The following REEP3 variants were observed in gnomAD, a reference collection of about 807,000 sequenced individuals.
The protein encoded by REEP3 is receptor expression-enhancing protein 3.
A neutral mutation model predicts 41.3 loss-of-function variants in REEP3; 20 were observed. That is an observed-to-expected ratio of 0.48 (90% CI 0.34 to 0.70). The LOEUF (loss-of-function observed/expected upper bound fraction) is 0.70. Ranked by LOEUF, REEP3 falls within the 30% of genes least tolerant of loss-of-function variation. The pLI, the probability that REEP3 is intolerant of heterozygous loss-of-function variation, is 0.01. For missense variants in REEP3, 271 were observed against 308.8 expected, an observed-to-expected ratio of 0.88 and a Z score of 0.92; for synonymous variants, 104 against 101.8, an observed-to-expected ratio of 1.02 and a Z score of -0.13.
chr10:63,609,261 G>A (rs1956257135), intron 5 of REEP3, among the ~76,000 whole-genome samples: 1 of 150,980 alleles, frequency 6.6e-6, no homozygotes, highest in Non-Finnish European at 1.5e-5. Flanking sequence ...GACCATCCTG[G>A]CTAACACAGT....
intron 2 of REEP3, among the ~76,000 whole-genome samples, chr10:63,582,290 A>C (rs535483883): frequency 6.6e-6 from 1 of 152,368 alleles, no homozygotes; most frequent in Admixed American, 6.5e-5. Flanking sequence ...GTTACATATC[A>C]AAACCACTGG....
chr10:63,619,846 T>C, intron 7 of REEP3, 46 bp downstream of exon 7: 2 of 1,531,148 alleles, frequency 1.3e-6, no homozygotes, highest in Non-Finnish European at 1.8e-6. Flanking sequence ...GTGAAGGATT[T>C]CCCTGCTGTG....
At chr10:63,564,007 A>G (rs1239703658) in intron 1 of REEP3, among the ~76,000 whole-genome samples, 1 of 152,216 alleles carries the variant, frequency 6.6e-6, no homozygotes, top group Admixed American at 6.5e-5. Context: ...AGCTGAGTGT[A>G]ATGTGCTATC....
intron 2 of REEP3, among the ~76,000 whole-genome samples, chr10:63,572,462 C>T (rs1955861875): frequency 6.6e-6 from 1 of 152,122 alleles, no homozygotes; most frequent in African/African-American, 2.4e-5. Flanking sequence ...CTAATGCTCT[C>T]CCTCTCCTTG....
intron 1 of REEP3, among the ~76,000 whole-genome samples, chr10:63,538,292 C>T (rs934611812): frequency 3.1e-4 from 47 of 152,152 alleles, no homozygotes; most frequent in Non-Finnish European, 4.4e-5. Context: ...TATTTCACAG[C>T]AATTCCCCAT....
intron 2 of REEP3, among the ~76,000 whole-genome samples, chr10:63,591,756 T>C (rs960352630): frequency 9.2e-5 from 14 of 152,268 alleles, no homozygotes; most frequent in Non-Finnish European, 1.6e-4. Context: ...GAAGCACAGC[T>C]ACTTTTGAAA....
intron 1 of REEP3, among the ~76,000 whole-genome samples, chr10:63,542,051 A>T (rs554817475): frequency 2.6e-5 from 4 of 151,608 alleles, no homozygotes; most frequent in African/African-American, 9.7e-5. Context: ...AGTTGGTATA[A>T]GTGACATCAC....
rs987850258 is a variant in REEP3, at chr10:63,619,798, G to C, written c.709G>C (p.Glu237Gln). The C allele has an allele frequency of 1.9e-6, 3 of 1,606,938 alleles. No homozygotes were observed. The highest frequency in any genetic ancestry group is 2.5e-6 in the Non-Finnish European group (3 of 1,176,600). ...KSVKTTKGRKEVRYGSLKYKV... is the reference protein window; with the variant it reads ...KSVKTTKGRKQVRYGSLKYKV... Reference sequence around the variant, plus strand: ...TGTGAAAACCACCAAAGGCCGCAAAGAGGTTGGTTAAGTGTAGAGCTGTTT... The same window carrying C: ...TGTGAAAACCACCAAAGGCCGCAAACAGGTTGGTTAAGTGTAGAGCTGTTT... The change falls in exon 7 of 8, where the codon GAG becomes CAG. Residue 237 changes from glutamate (E) to glutamine (Q), a missense_variant and splice_region_variant. Physicochemically the swap from Glu to Gln is conservative, Grantham distance 29. Coordinates refer to ENST00000373758, the MANE Select transcript of REEP3 (RefSeq NM_001001330.3).
rs1399227830 is a variant in REEP3 at position 63,610,312 on chromosome 10, A to G, written c.543A>G (p.Lys181=). The change falls in exon 6 of 8, where the codon AAA becomes AAG. Residue 181 remains lysine, a synonymous_variant. Coordinates refer to ENST00000373758, the MANE Select transcript of REEP3 (RefSeq NM_001001330.3). ...QPLPEAKKKS[K]PAPSESAGYG... ...TACCAGAAGCAAAAAAGAAAAGTAA[A>G]CCAGCCCCCAGTGAATCAGCAGGTG... is the stretch of plus-strand genomic sequence containing the variant. 2 of 1,557,268 alleles carry G rather than the reference A, an allele frequency of 1.3e-6. No individual in the cohort carries two copies. Among genetic ancestry groups the G allele is most frequent in the South Asian group, 2.4e-5 (2 of 84,610 alleles).
At chr10:63,530,251 T>C (rs1955407893) in intron 1 of REEP3, among the ~76,000 whole-genome samples, 2 of 152,248 alleles carry the variant, frequency 1.3e-5, no homozygotes, top group South Asian at 4.1e-4. Context: ...TCTTCCTTTA[T>C]ATGTGCTTTA....
intron 5 of REEP3, among the ~76,000 whole-genome samples, chr10:63,608,933 A>C (rs1956253761): frequency 6.6e-6 from 1 of 152,230 alleles, no homozygotes; most frequent in African/African-American, 2.4e-5. Context: ...ATTTCAACTT[A>C]AATACCCACC....
intron 1 of REEP3, among the ~76,000 whole-genome samples, chr10:63,536,237 C>T (rs1182731612): frequency 1.3e-5 from 2 of 152,160 alleles, no homozygotes; most frequent in African/African-American, 2.4e-5. Flanking sequence ...CTATAATTTA[C>T]ACCTGTTATT....
rs1564477590 is a variant in REEP3 at position 63,556,622 on chromosome 10, T to TTTG, written c.33-9714_33-9713insGTT. 8.5e-4 allele frequency among the ~76,000 whole-genome samples: 70 copies of TTTG among 82,140 alleles called. 4 individuals carry two copies. Among genetic ancestry groups the TTTG allele is most frequent in the South Asian group, 7.8e-3 (18 of 2,318 alleles). The allele number at this position is 82,140 out of a possible 152,430, so 53.9% of individuals were successfully genotyped here. On this transcript the variant is annotated intron_variant, in intron 1 of 7. Coordinates refer to ENST00000373758, the MANE Select transcript of REEP3 (RefSeq NM_001001330.3). ...TTGTTTTCTGTTTGCTTGTTTTTTTTTTTGTTGTTTTGTTTTTTTTTTTTT... is the reference window on the plus strand; with the variant it reads ...TTGTTTTCTGTTTGCTTGTTTTTTTTTTGTTTGTTGTTTTGTTTTTTTTTTTTT...
intron 1 of REEP3, chr10:63,521,964 G>A (rs1955269789): frequency 6.6e-6 from 1 of 151,356 alleles, no homozygotes; most frequent in Admixed American, 6.6e-5. Context: ...CGGGAGCGGC[G>A]CGCCTCGCAG....
intron 2 of REEP3, among the ~76,000 whole-genome samples, chr10:63,578,225 G>A (rs1450917883): frequency 1.3e-5 from 2 of 151,890 alleles, no homozygotes; most frequent in East Asian, 1.9e-4. Flanking sequence ...TCAGCCTCCC[G>A]AGTAGCTGGG....
intron 2 of REEP3, among the ~76,000 whole-genome samples, chr10:63,583,280 G>T (rs1032430958): frequency 6.6e-6 from 1 of 152,074 alleles, no homozygotes; most frequent in Non-Finnish European, 1.5e-5. Flanking sequence ...CGTCAGCCAC[G>T]GTGCCTGGCC....
intron 2 of REEP3, among the ~76,000 whole-genome samples, chr10:63,569,019 T>A (rs1955829515): frequency 6.6e-6 from 1 of 152,154 alleles, no homozygotes; most frequent in Admixed American, 6.5e-5. Context: ...ATAATGTACT[T>A]TTGCCTATTG....
chr10:63,615,039 C>T (rs1956301825), intron 6 of REEP3, among the ~76,000 whole-genome samples: 1 of 151,942 alleles, frequency 6.6e-6, no homozygotes, highest in Non-Finnish European at 1.5e-5. Flanking sequence ...ATAACAATGT[C>T]AGTCTATACT....
intron 1 of REEP3, among the ~76,000 whole-genome samples, chr10:63,546,633 TACA>T (rs1003730393): frequency 2.6e-5 from 4 of 152,134 alleles, no homozygotes; most frequent in African/African-American, 9.7e-5. Context: ...CTACAGTAAT[TACA>T]ACAACATGGT....
Sources: allele counts gnomAD v4.1 joint callset (sites outside exome capture counted in the v4.1 genomes callset), GRCh38; gene constraint gnomAD v4.1.1; transcripts MANE v1.5; gene names NCBI Gene and HGNC (gene_info 2026-07-23, HGNC 2026-07-21).